Variants in WDR25 observed in about 807,000 individuals in gnomAD.
The protein encoded by WDR25 is WD repeat domain 25.
A neutral mutation model predicts 47.7 loss-of-function variants in WDR25; 35 were observed. That is an observed-to-expected ratio of 0.73 (90% CI 0.56 to 0.97). WDR25 has a LOEUF of 0.97. WDR25 is among the 50% of genes least tolerant of loss of function. WDR25 has a pLI of 0.00. For missense variants in WDR25, 634 were observed against 704.7 expected, an observed-to-expected ratio of 0.90 and a Z score of 1.14; for synonymous variants, 248 against 278.9, an observed-to-expected ratio of 0.89 and a Z score of 1.10.
At chr14:100,444,805 C>T (rs564131094) in intron 2 of WDR25, among the ~76,000 whole-genome samples, 3 of 152,330 alleles carry the variant, frequency 2.0e-5, no homozygotes, top group East Asian at 1.9e-4. Context: ...ACCGACACTG[C>T]GCTCTCTTGG....
At chr14:100,444,025 C>T (rs903138396) in intron 2 of WDR25, among the ~76,000 whole-genome samples, 3 of 152,182 alleles carry the variant, frequency 2.0e-5, no homozygotes, top group Non-Finnish European at 2.9e-5. Flanking sequence ...CAGGCCTAGA[C>T]ACCAGGAGCC....
At position 100,424,810 on chromosome 14, in the gene WDR25, G is replaced by T. The variant is rs1178214725; in HGVS notation, c.822+43064G>T. 6.6e-6 allele frequency among the ~76,000 whole-genome samples: 1 copy of T among 152,230 alleles called. No individual in the cohort carries two copies. Among genetic ancestry groups the T allele is most frequent in the Non-Finnish European group, 1.5e-5 (1 of 68,040 alleles). ...CTGCCAGGCACCTTGTAGTCTAGCA[G>T]AGTAAGTTTGATCATTCCATTCCAC... On this transcript the variant is annotated intron_variant, in intron 2 of 6. Transcript: ENST00000402312. This position sits in a 1 kb window ranked among gnomAD's most constrained non-coding sequence, Gnocchi z 4.2.
At chr14:100,504,359 T>C (rs997361562) in intron 4 of WDR25, 2 of 152,260 alleles carry the variant, frequency 1.3e-5, no homozygotes, top group African/African-American at 4.8e-5. Context: ...CTACTTTCTT[T>C]TTCTTATAAC....
chr14:100,402,283 CA>C (rs35159116), intron 2 of WDR25, among the ~76,000 whole-genome samples: 1 of 151,996 alleles, frequency 6.6e-6, no homozygotes, highest in Non-Finnish European at 1.5e-5. Flanking sequence ...AGCTCACACC[CA>C]AAAGCTTTCC....
chr14:100,420,312 AT>A (rs370794904), intron 2 of WDR25, among the ~76,000 whole-genome samples: 15 of 149,138 alleles, frequency 1.0e-4, no homozygotes, highest in African/African-American at 2.2e-4. Flanking sequence ...TTGTAAGCAC[AT>A]TTTTTTTTTA....
chr14:100,478,831 T>G (rs1900106151), intron 3 of WDR25, among the ~76,000 whole-genome samples: 1 of 152,248 alleles, frequency 6.6e-6, no homozygotes. Context: ...ACTGTATCAC[T>G]GCACTTTTGA....
intron 2 of WDR25, among the ~76,000 whole-genome samples, chr14:100,460,257 C>A (rs534094448): frequency 5.3e-5 from 8 of 151,698 alleles, no homozygotes; most frequent in Non-Finnish European, 1.0e-4. Flanking sequence ...GGACTACAGG[C>A]GCCCGCCACC....
chr14:100,421,233 G>A (rs1002452461), intron 2 of WDR25, among the ~76,000 whole-genome samples: 2 of 152,164 alleles, frequency 1.3e-5, no homozygotes, highest in African/African-American at 2.4e-5. Flanking sequence ...AGTTCACAGA[G>A]TCCCTTGGGT....
Position 100,449,874 on chromosome 14 carries a change from C to T in WDR25, c.823-18147C>T, listed in dbSNP as rs137881890. ...AGAAGGGGGCTGTCTCCTGCTGTTACGCCATGTGCCACGACACCCTGCCTT... is the reference window on the plus strand; with the variant it reads ...AGAAGGGGGCTGTCTCCTGCTGTTATGCCATGTGCCACGACACCCTGCCTT... On this transcript the variant is annotated intron_variant, in intron 2 of 6. Coordinates refer to ENST00000402312, the MANE Select transcript of WDR25 (RefSeq NM_001161476.3). This position sits in a 1 kb window ranked among gnomAD's most constrained non-coding sequence, Gnocchi z 4.2. Among the ~76,000 whole-genome samples the T allele has an allele frequency of 3.2e-4, 49 of 152,290 alleles. No homozygotes were observed. Among genetic ancestry groups the T allele is most frequent in the African/African-American group, 1.1e-3 (45 of 41,554 alleles).
chr14:100,383,149 T>C (rs898241547), intron 2 of WDR25, among the ~76,000 whole-genome samples: 18 of 152,230 alleles, frequency 1.2e-4, no homozygotes, highest in African/African-American at 4.1e-4. Context: ...ACTGGAGTCC[T>C]GAAGTGGCTT....
intron 2 of WDR25, among the ~76,000 whole-genome samples, chr14:100,412,206 CAAA>C (rs34698940): frequency 2.4e-4 from 13 of 54,174 alleles, no homozygotes; most frequent in African/African-American, 2.6e-4. Context: ...GACCCTGTCT[CAAA>C]AAAAAAAAAA....
rs1333683183 is a variant in WDR25, at chr14:100,523,507, G to A, written c.1102-2363G>A. 5.9e-5 allele frequency among the ~76,000 whole-genome samples: 9 copies of A among 152,106 alleles called. No homozygotes were observed. Among genetic ancestry groups the A allele is most frequent in the Admixed American group, 2.6e-4 (4 of 15,268 alleles). ...GCTCAGAGGTGTGGTTGGGGCCCTC[G>A]TGTTGATGACTCAAAAACTAGACCT... is the stretch of plus-strand genomic sequence containing the variant. On this transcript the variant is annotated intron_variant, in intron 4 of 6. Transcript: ENST00000402312. The surrounding 1 kb of genome is among the most constrained non-coding windows in gnomAD (Gnocchi z 4.7).
rs116606131 is a variant in WDR25, at chr14:100,528,878, C to T, written c.1273-190C>T. 2.3e-3 allele frequency among the ~76,000 whole-genome samples: 348 copies of T among 152,298 alleles called. 4 individuals are homozygous for T. The highest frequency in any genetic ancestry group is 7.7e-3 in the African/African-American group (320 of 41,554). Reference sequence around the variant, plus strand: ...CCCAGCGAGGCCTTTTTCAGACTTCCGACTCGCAGGACTGTGTGATGTGAA... The same window carrying T: ...CCCAGCGAGGCCTTTTTCAGACTTCTGACTCGCAGGACTGTGTGATGTGAA... On this transcript the variant is annotated intron_variant, in intron 5 of 6. Coordinates refer to ENST00000402312, the MANE Select transcript of WDR25 (RefSeq NM_001161476.3).
At chr14:100,431,159 A>G (rs1427923008) in intron 2 of WDR25, among the ~76,000 whole-genome samples, 2 of 152,242 alleles carry the variant, frequency 1.3e-5, no homozygotes, top group African/African-American at 4.8e-5. Context: ...TGACATTAAA[A>G]TATTGACATG....
Position 100,530,256 on chromosome 14 carries a change from G to A in WDR25, c.*215G>A, listed in dbSNP as rs1284966182. On this transcript the variant is annotated 3_prime_UTR_variant, in exon 7 of 7. Coordinates refer to ENST00000402312, the MANE Select transcript of WDR25 (RefSeq NM_001161476.3). ...TGAAAGCGCCTGGCGGGCAGCCGGCGATGCCCAATAAATGTGTGTTTTGCT... is the reference window on the plus strand; with the variant it reads ...TGAAAGCGCCTGGCGGGCAGCCGGCAATGCCCAATAAATGTGTGTTTTGCT... 5.2e-6 allele frequency: 3 copies of A among 571,878 alleles called. No individual in the cohort carries two copies. The highest frequency in any genetic ancestry group is 3.0e-5 in the East Asian group (1 of 33,606). The allele number at this position is 571,878 out of a possible 1,614,324, so 35.4% of individuals were successfully genotyped here.
chr14:100,381,500 C>G lies in WDR25; in HGVS notation c.576C>G (p.Gly192=). ...GGCAGGCATTAAGCACGGAGACAGGCAAGGGTAAAGACGTGGAGCCACAGG... is the reference window on the plus strand; with the variant it reads ...GGCAGGCATTAAGCACGGAGACAGGGAAGGGTAAAGACGTGGAGCCACAGG... ...RQRQALSTET[G]KGKDVEPQGP... is the part of the protein sequence containing the mutation. The change falls in exon 2 of 7, where the codon GGC becomes GGG. Residue 192 remains glycine, a synonymous_variant. Transcript: ENST00000402312. The G allele has an allele frequency of 6.2e-7, 1 of 1,614,196 alleles. No individual in the cohort carries two copies. The highest frequency in any genetic ancestry group is 8.5e-7 in the Non-Finnish European group (1 of 1,180,034).
At chr14:100,396,359 A>G (rs1341251107) in intron 2 of WDR25, among the ~76,000 whole-genome samples, 1 of 152,224 alleles carries the variant, frequency 6.6e-6, no homozygotes, top group Non-Finnish European at 1.5e-5. Flanking sequence ...TAAATCTTAA[A>G]TCCAGAAAGG....
chr14:100,399,004 G>A (rs190190748), intron 2 of WDR25, among the ~76,000 whole-genome samples: 9 of 151,760 alleles, frequency 5.9e-5, no homozygotes, highest in Admixed American at 3.9e-4. Flanking sequence ...GGCTTAAAGA[G>A]CACTCACTTA....
At position 100,526,006 on chromosome 14, in the gene WDR25, G is replaced by C; in HGVS notation, c.1238G>C (p.Arg413Pro). ...CGCACCATTATTGCCTGGGATTTCC[G>C]GACCTCTGCCAAAATCTCCAACCAG... ...ADRTIIAWDF[R>P]TSAKISNQIF... The change falls in exon 5 of 7, where the codon CGG (arginine) becomes CCG (proline). Residue 413 changes from arginine (R) to proline (P), a missense_variant. Arg to Pro is a moderately radical substitution (Grantham distance 103). Coordinates refer to ENST00000402312, the MANE Select transcript of WDR25 (RefSeq NM_001161476.3). 5 of 1,614,038 alleles carry C rather than the reference G, an allele frequency of 3.1e-6. No homozygotes were observed. Among genetic ancestry groups the C allele is most frequent in the Non-Finnish European group, 4.2e-6 (5 of 1,179,960 alleles).
Sources: gnomAD v4.1 joint callset for allele counts (sites outside exome capture counted in the v4.1 genomes callset) on GRCh38, gnomAD v4.1.1 for gene constraint, Gnocchi (gnomAD v3.1) non-coding constraint, MANE v1.5 for transcripts, NCBI Gene and HGNC (gene_info 2026-07-23, HGNC 2026-07-21) for gene names.